PRUNE2: variants seen among roughly 807,000 people sequenced by gnomAD.
The protein encoded by PRUNE2 is protein prune homolog 2.
PRUNE2 carries 164 observed loss-of-function variants against 252.0 expected under a neutral mutation model. That is an observed-to-expected ratio of 0.65 (90% CI 0.57 to 0.74). PRUNE2 has a LOEUF of 0.74. PRUNE2 is among the 30% of genes least tolerant of loss of function. The probability of loss-of-function intolerance (pLI) is 0.00; values close to 1 mark genes in which losing one functional copy is unlikely to be tolerated. For missense variants in PRUNE2, 3,495 were observed against 3,711.0 expected (o/e 0.94, Z 1.51); for synonymous variants, 1,292 against 1,350.2 (o/e 0.96, Z 0.94).
intron 17 of PRUNE2, among the ~76,000 whole-genome samples, chr9:76,622,616 G>A (rs1176336782): frequency 6.6e-5 from 10 of 152,120 alleles, no homozygotes; most frequent in East Asian, 5.8e-4. Context: ...CTCACTGAGC[G>A]TTCTCTCTCT....
intron 6 of PRUNE2, among the ~76,000 whole-genome samples, chr9:76,793,674 GT>G (rs1219430163): frequency 1.3e-5 from 2 of 151,766 alleles, no homozygotes; most frequent in Non-Finnish European, 2.9e-5. Context: ...AATCATAGAA[GT>G]TTTTACTCAA....
chr9:76,632,047 T>C (rs1259987467), intron 15 of PRUNE2, among the ~76,000 whole-genome samples: 1 of 152,234 alleles, frequency 6.6e-6, no homozygotes, highest in African/African-American at 2.4e-5. Context: ...AATCCACTGT[T>C]AATGGGCATC....
In PRUNE2 at chr9:76,709,239, G is replaced by GTGACTGAA; in HGVS notation, c.3034_3035insTTCAGTCA (p.Pro1012LeufsTer22). ...TCGAGATGACTGTTGCAGTGACTGAGGAGGAATGTCAGTCTCCTCTGCCGT... is the reference window on the plus strand; with the variant it reads ...TCGAGATGACTGTTGCAGTGACTGAGTGACTGAAGAGGAATGTCAGTCTCCTCTGCCGT... On this transcript the variant is annotated frameshift_variant, in exon 8 of 19. Coordinates refer to ENST00000376718, the MANE Select transcript of PRUNE2 (RefSeq NM_015225.3). LOFTEE classifies it high-confidence loss of function. The GTGACTGAA allele has an allele frequency of 6.6e-7, 1 of 1,523,828 alleles. No individual in the cohort carries two copies. Among genetic ancestry groups the GTGACTGAA allele is most frequent in the Non-Finnish European group, 8.8e-7 (1 of 1,135,676 alleles). 94.4% of individuals were successfully genotyped at this position (1,523,828 alleles called of 1,614,324 possible).
intron 5 of PRUNE2, among the ~76,000 whole-genome samples, chr9:76,824,628 C>T (rs1168927656): frequency 4.6e-5 from 7 of 152,102 alleles, no homozygotes; most frequent in African/African-American, 9.7e-5. Context: ...GGATCTGGCT[C>T]GACATTTAAT....
chr9:76,691,938 G>A (rs928273634), intron 9 of PRUNE2: 16 of 632,512 alleles, frequency 2.5e-5, no homozygotes, highest in East Asian at 8.4e-5. Flanking sequence ...GGCAGAATTC[G>A]GCATCCTCTC....
intron 6 of PRUNE2, among the ~76,000 whole-genome samples, chr9:76,726,539 CT>C (rs1349532935): frequency 6.6e-6 from 1 of 152,150 alleles, no homozygotes; most frequent in Non-Finnish European, 1.5e-5. Context: ...ATTTAGTTAA[CT>C]TTTATTTTCA....
At chr9:76,641,909 C>T (rs979526065) in intron 12 of PRUNE2, 7 of 1,507,640 alleles carry the variant, frequency 4.6e-6, no homozygotes, top group Non-Finnish European at 6.2e-6. Flanking sequence ...ACACACCAGC[C>T]AGCAACTCTT....
rs375503956 is a variant in PRUNE2, at chr9:76,844,778, G to A, written c.508+1737C>T. On this transcript the variant is annotated intron_variant, in intron 4 of 18. Coordinates refer to ENST00000376718, the MANE Select transcript of PRUNE2 (RefSeq NM_015225.3). ...AAGCTCTTCATCCTCTCACATTCCA[G>A]TTTCCAAGAGATAAGGAAGTGATGC... Among the ~76,000 whole-genome samples, 242 of 152,138 alleles carry A rather than the reference G, an allele frequency of 1.6e-3. 1 individual carries two copies. Among genetic ancestry groups the A allele is most frequent in the African/African-American group, 5.5e-3 (229 of 41,486 alleles).
chr9:76,718,117 G>A (rs1320958296), intron 6 of PRUNE2, among the ~76,000 whole-genome samples: 1 of 152,180 alleles, frequency 6.6e-6, no homozygotes, highest in Non-Finnish European at 1.5e-5. Context: ...TAGTGATGGT[G>A]CCCCATAGAT....
At chr9:76,774,667 C>T (rs1251236398) in intron 6 of PRUNE2, among the ~76,000 whole-genome samples, 4 of 151,928 alleles carry the variant, frequency 2.6e-5, no homozygotes, top group South Asian at 2.1e-4. Context: ...CCATATTGGT[C>T]AGGCTGGTCT....
intron 2 of PRUNE2, among the ~76,000 whole-genome samples, chr9:76,852,163 A>T (rs1295183028): frequency 6.6e-6 from 1 of 152,252 alleles, no homozygotes; most frequent in Non-Finnish European, 1.5e-5. Flanking sequence ...GAAAGGAATC[A>T]GCCACTGCTA....
At chr9:76,634,823 G>A (rs958597261) in intron 15 of PRUNE2, among the ~76,000 whole-genome samples, 2 of 152,070 alleles carry the variant, frequency 1.3e-5, no homozygotes, top group Non-Finnish European at 2.9e-5. Flanking sequence ...AGCAAACATC[G>A]ATGAATCAGT....
chr9:76,686,513 T>C (rs375280472), intron 9 of PRUNE2, among the ~76,000 whole-genome samples: 2 of 152,274 alleles, frequency 1.3e-5, no homozygotes, highest in African/African-American at 2.4e-5. Flanking sequence ...AGGAGTGCAG[T>C]GGCATGAACA....
chr9:76,711,727 A>G (rs980260472), intron 7 of PRUNE2, among the ~76,000 whole-genome samples: 9 of 152,248 alleles, frequency 5.9e-5, no homozygotes, highest in Non-Finnish European at 1.5e-5. Context: ...CTATAGGAAA[A>G]GTGTTGGAAT....
intron 9 of PRUNE2, among the ~76,000 whole-genome samples, chr9:76,656,938 A>C (rs1849465349): frequency 6.6e-6 from 1 of 152,206 alleles, no homozygotes; most frequent in South Asian, 2.1e-4. Flanking sequence ...AAGACAGACA[A>C]TAATGTATCA....
At position 76,659,347 on chromosome 9, in the gene PRUNE2, A is replaced by G. The variant is rs533322959; in HGVS notation, c.8277-3845T>C. 5.6e-4 allele frequency among the ~76,000 whole-genome samples: 85 copies of G among 152,332 alleles called. 1 individual carries two copies. The Middle Eastern group carries it at 0.014, about 24-fold the overall frequency. Reference sequence around the variant, plus strand: ...TAGCCCAGATTCATATTGACAGTAAATATCTTTACGTCTGGATTGCTAAAG... The same window carrying G: ...TAGCCCAGATTCATATTGACAGTAAGTATCTTTACGTCTGGATTGCTAAAG... On this transcript the variant is annotated intron_variant, in intron 9 of 18. Coordinates refer to ENST00000376718, the MANE Select transcript of PRUNE2 (RefSeq NM_015225.3).
chr9:76,628,220 G>A (rs1029705735), intron 16 of PRUNE2, among the ~76,000 whole-genome samples: 2 of 151,934 alleles, frequency 1.3e-5, no homozygotes, highest in Admixed American at 6.6e-5. Flanking sequence ...TTCATTCTCC[G>A]ATATCCCTGT....
intron 18 of PRUNE2, chr9:76,615,277 T>C (rs908579590): frequency 2.5e-5 from 24 of 976,152 alleles, no homozygotes; most frequent in Middle Eastern, 1.0e-3. Context: ...CAAAAGCCAG[T>C]AAATAGAGGA....
chr9:76,776,499 C>CT (rs58566943), intron 6 of PRUNE2, among the ~76,000 whole-genome samples: 44 of 136,434 alleles, frequency 3.2e-4, no homozygotes, highest in Non-Finnish European at 3.3e-4. Context: ...ACCACATTTT[C>CT]TTTTTTTTTT....
Sources: gnomAD v4.1 joint callset for allele counts (sites outside exome capture counted in the v4.1 genomes callset) on GRCh38, gnomAD v4.1.1 for gene constraint, MANE v1.5 for transcripts, NCBI Gene and HGNC (gene_info 2026-07-23, HGNC 2026-07-21) for gene names.